The following UBE3D variants were observed in gnomAD, a reference collection of about 807,000 sequenced individuals.
UBE3D encodes ubiquitin protein ligase E3D, also known as E3 ubiquitin-protein ligase E3D.
UBE3D carries 48 observed loss-of-function variants against 49.6 expected under a neutral mutation model. That is an observed-to-expected ratio of 0.97 (90% CI 0.77 to 1.23). The LOEUF (loss-of-function observed/expected upper bound fraction) is 1.23. Ranked by LOEUF, UBE3D falls within the 50% of genes most tolerant of loss-of-function variation. The probability of loss-of-function intolerance (pLI) is 0.00; values close to 1 mark genes in which losing one functional copy is unlikely to be tolerated. For missense variants in UBE3D, 452 were observed against 468.4 expected, an observed-to-expected ratio of 0.96 and a Z score of 0.32; for synonymous variants, 189 against 174.2, an observed-to-expected ratio of 1.08 and a Z score of -0.67.
At chr6:82,919,332 G>A (rs991311261) in intron 9 of UBE3D, among the ~76,000 whole-genome samples, 5 of 151,864 alleles carry the variant, frequency 3.3e-5, no homozygotes, top group East Asian at 1.9e-4. Context: ...GGCCAGGCAC[G>A]GTGGCTCATG....
At chr6:82,971,070 G>A (rs1339690160) in intron 8 of UBE3D, among the ~76,000 whole-genome samples, 11 of 151,946 alleles carry the variant, frequency 7.2e-5, no homozygotes, top group Admixed American at 7.2e-4. Flanking sequence ...AAGATTTATG[G>A]ACCCCTGAGT....
At chr6:82,981,250 A>G (rs1470921623) in intron 8 of UBE3D, among the ~76,000 whole-genome samples, 1 of 152,138 alleles carries the variant, frequency 6.6e-6, no homozygotes, top group Non-Finnish European at 1.5e-5. Flanking sequence ...AAACGGGGGT[A>G]ATAATATTTG....
chr6:83,021,441 C>CA (rs1018267408), intron 7 of UBE3D, among the ~76,000 whole-genome samples: 1 of 143,514 alleles, frequency 7.0e-6, no homozygotes, highest in Non-Finnish European at 1.5e-5. Flanking sequence ...GACCTTGTCT[C>CA]AAAAAAACAA....
At chr6:83,006,801 T>G (rs1363890373) in intron 8 of UBE3D, among the ~76,000 whole-genome samples, 1 of 152,012 alleles carries the variant, frequency 6.6e-6, no homozygotes, top group Non-Finnish European at 1.5e-5. Context: ...GTATGGAGTT[T>G]CAGATTTGCA....
intron 1 of UBE3D, among the ~76,000 whole-genome samples, chr6:83,062,755 G>C (rs554865772): frequency 1.1e-3 from 163 of 152,210 alleles, no homozygotes; most frequent in African/African-American, 3.8e-3. Context: ...AGGTTAAAAA[G>C]GTAGAAAGGA....
intron 1 of UBE3D, among the ~76,000 whole-genome samples, chr6:83,063,498 T>C (rs754538084): frequency 6.6e-6 from 1 of 151,204 alleles, no homozygotes; most frequent in East Asian, 1.9e-4. Flanking sequence ...AAGGCATTTA[T>C]GTGAGAAAGC....
At chr6:82,987,403 C>CA (rs1182288919) in intron 8 of UBE3D, among the ~76,000 whole-genome samples, 2 of 151,958 alleles carry the variant, frequency 1.3e-5, no homozygotes, top group African/African-American at 4.8e-5. Context: ...TATATTATCC[C>CA]AAAAAAAGAT....
intron 9 of UBE3D, among the ~76,000 whole-genome samples, chr6:82,903,664 C>T (rs564067576): frequency 1.3e-5 from 2 of 152,170 alleles, no homozygotes; most frequent in South Asian, 4.2e-4. Flanking sequence ...ATACTTAAGA[C>T]ATGCAAATTT....
chr6:82,979,776 A>G (rs933615788), intron 8 of UBE3D, among the ~76,000 whole-genome samples: 6 of 151,996 alleles, frequency 3.9e-5, no homozygotes, highest in African/African-American at 1.4e-4. Context: ...TCCAACATCT[A>G]TCATTCCACA....
chr6:83,020,304 C>G (rs1332975264), intron 7 of UBE3D, among the ~76,000 whole-genome samples: 1 of 149,504 alleles, frequency 6.7e-6, no homozygotes, highest in Admixed American at 6.7e-5. Context: ...TACTGTGAAG[C>G]AAGCAGGTTG....
At position 82,947,129 on chromosome 6, in the gene UBE3D, C is replaced by T. The variant is rs533729674; in HGVS notation, c.1149+10183G>A. 2.0e-5 allele frequency among the ~76,000 whole-genome samples: 3 copies of T among 151,586 alleles called. No individual in the cohort carries two copies. The South Asian group carries it at 6.2e-4, about 31-fold the overall frequency. Reference sequence around the variant, plus strand: ...AAAATATATTTTATGTCAATGGAAACCAAAAAAGAGCAAAGTAGCTAGGCT... The same window carrying T: ...AAAATATATTTTATGTCAATGGAAATCAAAAAAGAGCAAAGTAGCTAGGCT... On this transcript the variant is annotated intron_variant, in intron 9 of 9. Transcript: ENST00000369747.
At chr6:83,051,895 A>G (rs954964650) in intron 3 of UBE3D, among the ~76,000 whole-genome samples, 3 of 152,228 alleles carry the variant, frequency 2.0e-5, no homozygotes, top group Non-Finnish European at 4.4e-5. Flanking sequence ...ACTGACAGAA[A>G]TCAGGAAGCA....
chr6:82,931,124 C>A (rs1331012890), intron 9 of UBE3D, among the ~76,000 whole-genome samples: 1 of 152,224 alleles, frequency 6.6e-6, no homozygotes, highest in African/African-American at 2.4e-5. Context: ...TCAGAGGGTG[C>A]AAGCCCCAAG....
chr6:82,886,818 T>C, the UBE3D span, among the ~76,000 whole-genome samples: 4 of 152,236 alleles, frequency 2.6e-5, no homozygotes, highest in Non-Finnish European at 5.9e-5. Flanking sequence ...TTGGCCACTA[T>C]TTCGTTTCTT....
At chr6:83,042,568 T>C (rs1205757166) in intron 4 of UBE3D, among the ~76,000 whole-genome samples, 4 of 152,220 alleles carry the variant, frequency 2.6e-5, no homozygotes, top group Non-Finnish European at 1.5e-5. Context: ...GTGGGAACTC[T>C]ACAGAGCAAA....
At position 82,902,338 on chromosome 6, in the gene UBE3D, C is replaced by T. The variant is rs549512213; in HGVS notation, c.1150-9296G>A. On this transcript the variant is annotated intron_variant, in intron 9 of 9. Transcript: ENST00000369747. The stretch of plus-strand genomic sequence containing the variant: ...ACTTATGTTCACATAATAATCTGTA[C>T]ACGAATGTTTAAGGCAGCATTATTT... Among the ~76,000 whole-genome samples, 5 of 152,254 alleles carry T rather than the reference C, an allele frequency of 3.3e-5. No homozygotes were observed. The South Asian group carries it at 1.0e-3, about 32-fold the overall frequency.
At chr6:82,931,714 C>T (rs1774166634) in intron 9 of UBE3D, among the ~76,000 whole-genome samples, 1 of 152,212 alleles carries the variant, frequency 6.6e-6, no homozygotes, top group Non-Finnish European at 1.5e-5. Context: ...AGCCTGTATA[C>T]TCATTGTATC....
At chr6:82,904,787 T>G (rs866891820) in intron 9 of UBE3D, among the ~76,000 whole-genome samples, 35 of 152,330 alleles carry the variant, frequency 2.3e-4, no homozygotes, top group African/African-American at 7.5e-4. Context: ...TTTTTTCCTA[T>G]GTTACCCTAA....
chr6:82,929,188 A>G (rs1481819605), intron 9 of UBE3D, among the ~76,000 whole-genome samples: 2 of 113,390 alleles, frequency 1.8e-5, no homozygotes, highest in Non-Finnish European at 4.0e-5. Context: ...GGACTTTCTT[A>G]TTCATAGGAG....
Sources: gnomAD v4.1 joint callset for allele counts (sites outside exome capture counted in the v4.1 genomes callset) on GRCh38, gnomAD v4.1.1 for gene constraint, MANE v1.5 for transcripts, NCBI Gene and HGNC (gene_info 2026-07-23, HGNC 2026-07-21) for gene names.